The following TRIM25 variants were observed in gnomAD, a reference collection of about 807,000 sequenced individuals.
TRIM25 encodes E3 ubiquitin/ISG15 ligase TRIM25.
In TRIM25, 45 loss-of-function variants were observed where a neutral mutation model predicts 65.2. The ratio of observed to expected loss-of-function variants is 0.69; its 90% confidence interval spans 0.54 to 0.89. The LOEUF (loss-of-function observed/expected upper bound fraction) is 0.89. TRIM25 is among the 40% of genes least tolerant of loss of function. The pLI, the probability that TRIM25 is intolerant of heterozygous loss-of-function variation, is 0.00. For synonymous variants in TRIM25, 321 were observed against 340.4 expected, an observed-to-expected ratio of 0.94 and a Z score of 0.63; for missense variants, 714 against 803.7, an observed-to-expected ratio of 0.89 and a Z score of 1.35.
intron 8 of TRIM25, among the ~76,000 whole-genome samples, chr17:56,894,756 G>A (rs1318335699): frequency 2.6e-5 from 4 of 152,206 alleles, no homozygotes; most frequent in Non-Finnish European, 4.4e-5. Context: ...AGCGTGTGGG[G>A]AGCAGACTCC....
chr17:56,890,537 T>A lies in TRIM25; in HGVS notation c.*1163A>T. ...TGAACAGGAATGTTCCTGTTCCCCA[T>A]GAGGTTTGCTAAAAGACCCCTTTGG... On this transcript the variant is annotated 3_prime_UTR_variant, in exon 9 of 9. Coordinates refer to ENST00000316881, the MANE Select transcript of TRIM25 (RefSeq NM_005082.5). 1 of 452,902 alleles carries A rather than the reference T, an allele frequency of 2.2e-6. No individual in the cohort carries two copies. The highest frequency in any genetic ancestry group is 7.0e-5 in the East Asian group (1 of 14,354). 28.1% of individuals were successfully genotyped at this position (452,902 alleles called of 1,614,324 possible).
chr17:56,895,899 G>A (rs771847892), intron 6 of TRIM25, 27 bp downstream of exon 6: 16 of 1,609,330 alleles, frequency 9.9e-6, no homozygotes, highest in African/African-American at 1.3e-5. Context: ...CTCAAGAAAC[G>A]AACAGTTGCA....
intron 3 of TRIM25, among the ~76,000 whole-genome samples, chr17:56,903,984 G>A (rs1162297435): frequency 2.6e-5 from 4 of 152,136 alleles, no homozygotes; most frequent in Non-Finnish European, 5.9e-5. Flanking sequence ...CTCGCAGACT[G>A]TAGCCTGGTG....
intron 8 of TRIM25, among the ~76,000 whole-genome samples, chr17:56,893,053 C>G (rs2144347842): frequency 6.6e-6 from 1 of 152,294 alleles, no homozygotes; most frequent in South Asian, 2.1e-4. Context: ...ACAGAGGGAA[C>G]AGTGAGAGTG....
intron 3 of TRIM25, among the ~76,000 whole-genome samples, chr17:56,902,111 A>G (rs1909424455): frequency 6.6e-6 from 1 of 152,214 alleles, no homozygotes; most frequent in Admixed American, 6.5e-5. Context: ...CTAGATGTGC[A>G]CTCAGATCCT....
intron 2 of TRIM25, among the ~76,000 whole-genome samples, chr17:56,905,596 C>T (rs974451512): frequency 1.3e-5 from 2 of 152,088 alleles, no homozygotes; most frequent in Non-Finnish European, 2.9e-5. Context: ...TATCTTAAAA[C>T]TTTTAAATTG....
In TRIM25 at chr17:56,890,654, A is replaced by T. The variant is rs1268795955; in HGVS notation, c.*1046T>A. ...ATAGCAGGCTTCAGGGATCCAGCTT[A>T]GCTGGAGGCTTGACTGTGCTAGCCT... is the stretch of plus-strand genomic sequence containing the variant. On this transcript the variant is annotated 3_prime_UTR_variant, in exon 9 of 9. Transcript: ENST00000316881. 4.4e-6 allele frequency: 2 copies of T among 456,512 alleles called. No individual in the cohort carries two copies. The highest frequency in any genetic ancestry group is 4.0e-5 in the African/African-American group (2 of 50,054). 28.3% of individuals were successfully genotyped at this position (456,512 alleles called of 1,614,324 possible).
Position 56,890,610 on chromosome 17 carries a change from C to T in TRIM25, c.*1090G>A, listed in dbSNP as rs1266316406. 2.2e-5 allele frequency: 10 copies of T among 456,512 alleles called. No homozygotes were observed. Among genetic ancestry groups the T allele is most frequent in the East Asian group, 7.0e-5 (1 of 14,384 alleles). The allele number at this position is 456,512 out of a possible 1,614,324, so 28.3% of individuals were successfully genotyped here. ...GTGGCCTAGCATGGTCCGAGGCAGC[C>T]GCATAGCCTGTCTGCATGATAGCAG... On this transcript the variant is annotated 3_prime_UTR_variant, in exon 9 of 9. Coordinates refer to ENST00000316881, the MANE Select transcript of TRIM25 (RefSeq NM_005082.5).
intron 6 of TRIM25, 121 bp from the exon 7 acceptor site, chr17:56,895,725 A>C (rs549286586): frequency 1.8e-4 from 221 of 1,259,458 alleles, no homozygotes; most frequent in Non-Finnish European, 2.4e-4. Context: ...ACAGGGGAAA[A>C]CAGACAAGGC....
At position 56,906,787 on chromosome 17, in the gene TRIM25, G is replaced by A. The variant is rs553277266; in HGVS notation, c.693+1681C>T. On this transcript the variant is annotated intron_variant, in intron 2 of 8. Coordinates refer to ENST00000316881, the MANE Select transcript of TRIM25 (RefSeq NM_005082.5). ...TGGGATTACAGGCGTGAGCCATTGC[G>A]CCCAGCCTTCTTTGCCAATCTTTCA... Among the ~76,000 whole-genome samples, 18 of 152,302 alleles carry A rather than the reference G, an allele frequency of 1.2e-4. 1 individual carries two copies. Among genetic ancestry groups the A allele is most frequent in the African/African-American group, 3.4e-4 (14 of 41,562 alleles).
At chr17:56,898,997 C>G in intron 5 of TRIM25, 118 bp downstream of exon 5, 1 of 1,208,366 alleles carries the variant, frequency 8.3e-7, no homozygotes, top group Non-Finnish European at 1.2e-6. Flanking sequence ...CCACCAACTT[C>G]TTTCCCACTG....
chr17:56,895,033 G>A (rs1439305463), intron 8 of TRIM25, among the ~76,000 whole-genome samples: 5 of 152,228 alleles, frequency 3.3e-5, no homozygotes, highest in African/African-American at 4.8e-5. Flanking sequence ...GGTGAAGGCC[G>A]GTGACCGCAA....
intron 5 of TRIM25, among the ~76,000 whole-genome samples, chr17:56,897,543 A>G (rs953679657): frequency 6.6e-6 from 1 of 151,942 alleles, no homozygotes; most frequent in East Asian, 1.9e-4. Flanking sequence ...TGTGACATCA[A>G]TCTAGGGCAC....
chr17:56,909,401 C>G (rs1909583612), intron 1 of TRIM25, among the ~76,000 whole-genome samples: 1 of 152,048 alleles, frequency 6.6e-6, no homozygotes, highest in African/African-American at 2.4e-5. Context: ...GATGAATCAG[C>G]CAGCCAGGCG....
Position 56,895,923 on chromosome 17 carries a change from T to TA in TRIM25, c.1180+2dup. On this transcript the variant is annotated splice_region_variant and intron_variant, in intron 6 of 8. Transcript: ENST00000316881. ...CGAACAGTTGCAGAAATGCATAACT[T>TA]ACGAGGTTTCTTGGATTTCTTTTCC... 2 of 1,612,822 alleles carry TA rather than the reference T, an allele frequency of 1.2e-6. No individual in the cohort carries two copies. The highest frequency in any genetic ancestry group is 8.5e-7 in the Non-Finnish European group (1 of 1,179,680).
chr17:56,913,774 A>G lies in TRIM25; in HGVS notation c.215T>C (p.Val72Ala). The G allele has an allele frequency of 1.3e-6, 2 of 1,553,840 alleles. No homozygotes were observed. The highest frequency in any genetic ancestry group is 2.4e-5 in the South Asian group (2 of 82,424). The part of the protein sequence containing the change: ...QLHKNTVLCN[V>A]VEQFLQADLA... ...GTCGGCCTGCAGGAACTGCTCCACC[A>G]CGTTGCACAGCACCGTGTTCTTGTG... The change falls in exon 1 of 9, where the codon GTG becomes GCG. Residue 72 changes from valine (V) to alanine (A), a missense_variant. Around this residue, in one of 3 missense-constraint regions of TRIM25, gnomAD observed 291 missense variants for 281.8 expected, o/e 1.03. Transcript: ENST00000316881. The surrounding 1 kb of genome is among the most constrained non-coding windows in gnomAD (Gnocchi z 6.1).
chr17:56,901,347 C>A, intron 4 of TRIM25, 72 bp downstream of exon 4: 1 of 1,522,592 alleles, frequency 6.6e-7, no homozygotes, highest in Non-Finnish European at 8.9e-7. Context: ...AATCTCCCAT[C>A]CCAAAACATT....
At position 56,901,413 on chromosome 17, in the gene TRIM25, G is replaced by A. The variant is rs749869206; in HGVS notation, c.1087+6C>T. ...AGGGGGCAGCATAGGGGGCTGCTAAGGTCACCTGAACTGGGGGTGGGCTCC... is the reference window on the plus strand; with the variant it reads ...AGGGGGCAGCATAGGGGGCTGCTAAAGTCACCTGAACTGGGGGTGGGCTCC... On this transcript the variant is annotated splice_donor_region_variant and intron_variant, in intron 4 of 8. Transcript: ENST00000316881. 49 of 1,613,420 alleles carry A rather than the reference G, an allele frequency of 3.0e-5. No individual in the cohort carries two copies. The Admixed American group carries it at 5.0e-4, about 16-fold the overall frequency.
At position 56,905,391 on chromosome 17, in the gene TRIM25, C is replaced by G. The variant is rs540747439; in HGVS notation, c.694-903G>C. On this transcript the variant is annotated intron_variant, in intron 2 of 8. Transcript: ENST00000316881. ...AAAAATAAAATAAAATAAAACAAAA[C>G]AAAAAGTCAGGATGCAGCTCTGGAA... 9.4e-4 allele frequency among the ~76,000 whole-genome samples: 143 copies of G among 152,050 alleles called. 1 individual carries two copies. The highest frequency in any genetic ancestry group is 3.2e-3 in the African/African-American group (131 of 41,476).
Sources: allele counts gnomAD v4.1 joint callset (sites outside exome capture counted in the v4.1 genomes callset), GRCh38; gene constraint gnomAD v4.1.1; regional missense constraint gnomAD v4.1.1; non-coding constraint Gnocchi (gnomAD v3.1); transcripts MANE v1.5; gene names NCBI Gene and HGNC (gene_info 2026-07-23, HGNC 2026-07-21).